GALNT2: variants seen among roughly 807,000 people sequenced by gnomAD.
The protein encoded by GALNT2 is polypeptide N-acetylgalactosaminyltransferase 2.
Under a neutral mutation model 81.4 loss-of-function variants are expected in GALNT2, and 31 were observed. The ratio of observed to expected loss-of-function variants is 0.38; its 90% confidence interval spans 0.29 to 0.51. GALNT2 has a LOEUF of 0.51. Among genes scored for constraint, GALNT2 ranks in the 20% least tolerant of loss-of-function variants. GALNT2 has a pLI of 0.87. For missense variants in GALNT2, 629 were observed against 765.7 expected (o/e 0.82, Z 2.11); for synonymous variants, 303 against 287.4 (o/e 1.05, Z -0.55).
intron 14 of GALNT2, 80 bp downstream of exon 14, chr1:230,265,447 G>C (rs911244506): frequency 6.3e-7 from 1 of 1,584,416 alleles, no homozygotes; most frequent in Non-Finnish European, 8.6e-7. Flanking sequence ...AGAAGTCCCA[G>C]CTGCCACCTT....
intron 14 of GALNT2, among the ~76,000 whole-genome samples, chr1:230,270,311 T>A (rs1666134428): frequency 6.6e-6 from 1 of 152,188 alleles, no homozygotes; most frequent in African/African-American, 2.4e-5. Context: ...CAGGATGACA[T>A]GATGTATGTT....
At chr1:230,276,866 G>C (rs1003928482) in intron 15 of GALNT2, among the ~76,000 whole-genome samples, 1 of 152,110 alleles carries the variant, frequency 6.6e-6, no homozygotes, top group Non-Finnish European at 1.5e-5. Context: ...GAAGCTCCTC[G>C]AGGGCAAGGC....
chr1:230,091,966 A>T (rs1660097955), intron 1 of GALNT2: 1 of 152,152 alleles, frequency 6.6e-6, no homozygotes, highest in Non-Finnish European at 1.5e-5. Flanking sequence ...TCCTTTTTCT[A>T]CCCAGTTACC....
In GALNT2 at chr1:230,070,978, C is replaced by T. The variant is rs1019952681; in HGVS notation, c.126+3572C>T. ...ACCTTCACTGATGCATTGAACCTCT[C>T]TGACCCTCAGTTTCCTCATCTTTGC... On this transcript the variant is annotated intron_variant, in intron 1 of 15. Transcript: ENST00000366672. The surrounding 1 kb of genome is among the most constrained non-coding windows in gnomAD (Gnocchi z 4.7). Among the ~76,000 whole-genome samples the T allele has an allele frequency of 1.3e-5, 2 of 152,198 alleles. No homozygotes were observed.
In GALNT2 at chr1:230,255,494, C is replaced by G. The variant is rs559809234; in HGVS notation, c.1136+150C>G. ...CCACTTAGCAATTGAAAGGCGCATT[C>G]CACGGATGCAGGATACAACCTGGGC... is the stretch of plus-strand genomic sequence containing the variant. On this transcript the variant is annotated intron_variant, in intron 11 of 15. Coordinates refer to ENST00000366672, the MANE Select transcript of GALNT2 (RefSeq NM_004481.5). The G allele has an allele frequency of 3.9e-6, 4 of 1,030,194 alleles. No homozygotes were observed. In the Admixed American group the frequency reaches 6.6e-5, roughly 17 times the overall value. 63.8% of individuals were successfully genotyped at this position (1,030,194 alleles called of 1,614,324 possible). A position where few individuals can be genotyped will look rare whatever the true frequency, so the allele number is the denominator to read the frequency against.
chr1:230,156,026 G>C (rs1339891279), intron 1 of GALNT2, among the ~76,000 whole-genome samples: 1 of 152,112 alleles, frequency 6.6e-6, no homozygotes, highest in Non-Finnish European at 1.5e-5. Context: ...TGGTCATGGG[G>C]CTCAGTCTGT....
chr1:230,075,735 C>T (rs1659530288), intron 1 of GALNT2, among the ~76,000 whole-genome samples: 2 of 152,066 alleles, frequency 1.3e-5, no homozygotes, highest in Admixed American at 1.3e-4. Context: ...ACGTCGTGTG[C>T]AGAAAGGTGC....
At position 230,072,470 on chromosome 1, in the gene GALNT2, C is replaced by T. The variant is rs1459852700; in HGVS notation, c.126+5064C>T. ...ATCCCAGGAAGGGAAGCTAGGTATT[C>T]CTGGGAAAAGCCTGTGAAGTCTCCT... On this transcript the variant is annotated intron_variant, in intron 1 of 15. Transcript: ENST00000366672. Among the ~76,000 whole-genome samples, 8 of 152,088 alleles carry T rather than the reference C, an allele frequency of 5.3e-5. No homozygotes were observed. The South Asian group carries it at 1.5e-3, about 28-fold the overall frequency.
intron 1 of GALNT2, among the ~76,000 whole-genome samples, chr1:230,101,001 G>C (rs984167066): frequency 1.3e-5 from 2 of 152,152 alleles, no homozygotes; most frequent in Non-Finnish European, 2.9e-5. Flanking sequence ...AAATACCATT[G>C]TGTTACCTAC....
intron 1 of GALNT2, among the ~76,000 whole-genome samples, chr1:230,172,951 C>T (rs1038580657): frequency 2.0e-5 from 3 of 152,176 alleles, no homozygotes; most frequent in Non-Finnish European, 2.9e-5. Flanking sequence ...AAGTAGACGT[C>T]GCTCAGCCAT....
chr1:230,244,354 A>C (rs749704542), intron 7 of GALNT2, among the ~76,000 whole-genome samples: 2 of 152,128 alleles, frequency 1.3e-5, no homozygotes, highest in Non-Finnish European at 2.9e-5. Context: ...TAATGCACGC[A>C]AAATCATACA....
chr1:230,079,857 G>A (rs1291981151), intron 1 of GALNT2, among the ~76,000 whole-genome samples: 1 of 152,216 alleles, frequency 6.6e-6, no homozygotes, highest in Non-Finnish European at 1.5e-5. Flanking sequence ...TGTCCCTATG[G>A]AGAGGGTTGC....
chr1:230,059,714 C>CA (rs1402047324), intron 1 of GALNT2, among the ~76,000 whole-genome samples: 1 of 152,098 alleles, frequency 6.6e-6, no homozygotes. Context: ...AAAAAAGTTG[C>CA]AAAAATAGTG....
At chr1:230,069,684 AT>A (rs1323296094) in intron 1 of GALNT2, among the ~76,000 whole-genome samples, 1 of 138,952 alleles carries the variant, frequency 7.2e-6, no homozygotes, top group Non-Finnish European at 1.6e-5. Flanking sequence ...GTGTCTCTAA[AT>A]TTATTTCATT....
intron 2 of GALNT2, among the ~76,000 whole-genome samples, chr1:230,201,092 G>A (rs1183299356): frequency 6.6e-6 from 1 of 152,188 alleles, no homozygotes; most frequent in Admixed American, 6.5e-5. Flanking sequence ...GGTGAAGGCA[G>A]GAAGATGAGG....
rs75869862 is a variant in GALNT2, at chr1:230,249,068, T to A, written c.818-116T>A. On this transcript the variant is annotated intron_variant, in intron 8 of 15. Coordinates refer to ENST00000366672, the MANE Select transcript of GALNT2 (RefSeq NM_004481.5). ...CACACCTTCTTTTTTGGCTTTGTTT[T>A]GGTTTTCATTGAGTTCTGTCCAAAC... 3.3e-3 allele frequency: 3,450 copies of A among 1,035,598 alleles called. 92 individuals are homozygous for A. The African/African-American group carries it at 0.049, about 15-fold the overall frequency. 64.2% of individuals were successfully genotyped at this position (1,035,598 alleles called of 1,614,324 possible).
chr1:230,083,993 C>T (rs1327165124), intron 1 of GALNT2, among the ~76,000 whole-genome samples: 4 of 152,184 alleles, frequency 2.6e-5, no homozygotes, highest in Non-Finnish European at 5.9e-5. Flanking sequence ...CGGATGTTGG[C>T]GTACATGCCT....
upstream of GALNT2, among the ~76,000 whole-genome samples, chr1:230,066,877 C>G (rs572889253): frequency 2.1e-5 from 3 of 144,244 alleles, no homozygotes; most frequent in South Asian, 7.4e-4. Context: ...GGGCGGCCGG[C>G]GGGGGGAGCA....
intron 2 of GALNT2, among the ~76,000 whole-genome samples, chr1:230,187,912 G>T (rs1226326396): frequency 6.8e-6 from 1 of 146,834 alleles, no homozygotes; most frequent in East Asian, 2.1e-4. Context: ...TGCTTTGCTG[G>T]TAGGGCCTGG....
Sources: allele counts gnomAD v4.1 joint callset (sites outside exome capture counted in the v4.1 genomes callset), GRCh38; gene constraint gnomAD v4.1.1; non-coding constraint Gnocchi (gnomAD v3.1); transcripts MANE v1.5; gene names NCBI Gene and HGNC (gene_info 2026-07-23, HGNC 2026-07-21).